RIMS2: variants seen among roughly 807,000 people sequenced by gnomAD.
RIMS2 encodes regulating synaptic membrane exocytosis 2, also known as regulating synaptic membrane exocytosis protein 2.
Under a neutral mutation model 174.4 loss-of-function variants are expected in RIMS2, and 59 were observed. The observed-to-expected ratio is 0.34, with a 90% CI of 0.27 to 0.42. The LOEUF (loss-of-function observed/expected upper bound fraction) is 0.42, where lower values mean the gene tolerates loss of function less well. RIMS2 is among the 10% of genes least tolerant of loss of function. The probability of loss-of-function intolerance (pLI) is 1.00; values close to 1 mark genes in which losing one functional copy is unlikely to be tolerated. For missense variants in RIMS2, 1,620 were observed against 1,666.3 expected, an observed-to-expected ratio of 0.97 and a Z score of 0.48; for synonymous variants, 606 against 572.5, an observed-to-expected ratio of 1.06 and a Z score of -0.84.
At chr8:104,167,458 TG>T (rs765137034) in intron 19 of RIMS2, among the ~76,000 whole-genome samples, 12 of 152,344 alleles carry the variant, frequency 7.9e-5, no homozygotes, top group Non-Finnish European at 1.5e-4. Flanking sequence ...ATATGTTTGC[TG>T]GCTATTTGTA....
At chr8:103,618,185 G>A (rs2095550453) in intron 1 of RIMS2, among the ~76,000 whole-genome samples, 1 of 152,076 alleles carries the variant, frequency 6.6e-6, no homozygotes, top group Non-Finnish European at 1.5e-5. Flanking sequence ...ATCTTTTGCA[G>A]GAGCATGGAT....
chr8:103,583,507 T>C (rs2093732448), intron 1 of RIMS2, among the ~76,000 whole-genome samples: 2 of 152,146 alleles, frequency 1.3e-5, no homozygotes, highest in African/African-American at 4.8e-5. Context: ...TTTAAAATAG[T>C]TGTGTTGAGG....
intron 1 of RIMS2, among the ~76,000 whole-genome samples, chr8:103,581,061 G>C (rs1312132597): frequency 6.6e-6 from 1 of 151,830 alleles, no homozygotes; most frequent in Non-Finnish European, 1.5e-5. Flanking sequence ...CTCGTGATCT[G>C]CCCGCCTCGG....
chr8:104,017,654 T>C (rs2095958340), intron 19 of RIMS2, among the ~76,000 whole-genome samples: 1 of 152,136 alleles, frequency 6.6e-6, no homozygotes, highest in South Asian at 2.1e-4. Flanking sequence ...TATCCACATA[T>C]TACAAATATT....
chr8:104,251,999 G>T (rs2099360597), downstream of RIMS2: 1 of 599,226 alleles, frequency 1.7e-6, no homozygotes, highest in Non-Finnish European at 3.0e-6. Context: ...CCTAAAGAAG[G>T]CCCTCAGGTG....
chr8:104,004,129 G>A (rs2095487223), intron 17 of RIMS2, among the ~76,000 whole-genome samples: 1 of 152,160 alleles, frequency 6.6e-6, no homozygotes, highest in Admixed American at 6.5e-5. Context: ...AGAAAGCTAA[G>A]AGGAAATATC....
intron 3 of RIMS2, among the ~76,000 whole-genome samples, chr8:103,811,028 A>G (rs1399772564): frequency 6.6e-6 from 1 of 152,170 alleles, no homozygotes; most frequent in East Asian, 1.9e-4. Context: ...AAGTTACTAG[A>G]TAGCAGAGGT....
intron 3 of RIMS2, among the ~76,000 whole-genome samples, chr8:103,822,652 C>CT (rs2098759357): frequency 6.6e-6 from 1 of 151,812 alleles, no homozygotes; most frequent in African/African-American, 2.4e-5. Flanking sequence ...GCAGGATTCT[C>CT]TGTTCTTTTA....
chr8:103,927,782 C>A (rs2079061318), intron 10 of RIMS2: 5 of 1,129,682 alleles, frequency 4.4e-6, no homozygotes, highest in African/African-American at 1.5e-5. Flanking sequence ...TCTTTTAGTT[C>A]CAGCGTGTTG....
At chr8:103,553,839 G>A (rs554006702) in intron 1 of RIMS2, among the ~76,000 whole-genome samples, 2 of 135,120 alleles carry the variant, frequency 1.5e-5, no homozygotes, top group South Asian at 2.4e-4. Context: ...GCATGGTACT[G>A]GTACAAAAAC....
chr8:103,920,720 T>C (rs1317988704), intron 9 of RIMS2: 1 of 456,824 alleles, frequency 2.2e-6, no homozygotes, highest in Admixed American at 2.4e-5. Flanking sequence ...CCTAGCGTGG[T>C]GGCTCACGCG....
chr8:103,587,458 A>AAGAAAGAAAGAG lies in RIMS2; in HGVS notation c.176+86407_176+86408insGAGAAAGAAAGA, dbSNP rs1304575298. 7.8e-5 allele frequency among the ~76,000 whole-genome samples: 9 copies of AAGAAAGAAAGAG among 116,058 alleles called. No individual in the cohort carries two copies. In the East Asian group the frequency reaches 1.8e-3, roughly 24 times the overall value. The allele number at this position is 116,058 out of a possible 152,430, so 76.1% of individuals were successfully genotyped here. ...AAAGAAAGAAAGAAAGAAAGAAAGA[A>AAGAAAGAAAGAG]AGAAAGAAAGAAACTATGCACCAAT... is the stretch of plus-strand genomic sequence containing the variant. On this transcript the variant is annotated intron_variant, in intron 1 of 23. Transcript: ENST00000504942.
chr8:104,218,909 A>G (rs1403781232), intron 19 of RIMS2, among the ~76,000 whole-genome samples: 3 of 152,182 alleles, frequency 2.0e-5, no homozygotes, highest in Admixed American at 2.0e-4. Flanking sequence ...CACAGGCGTA[A>G]CCATGTTCCT....
chr8:103,801,306 A>G (rs1043741052), intron 3 of RIMS2, among the ~76,000 whole-genome samples: 2 of 152,160 alleles, frequency 1.3e-5, no homozygotes, highest in African/African-American at 4.8e-5. Flanking sequence ...TTTAAAGACT[A>G]TGAATTCAGT....
rs191571107 is a variant in RIMS2, at chr8:104,205,895, A to T, written c.3335-39021A>T. On this transcript the variant is annotated intron_variant, in intron 19 of 23. Transcript: ENST00000504942. Reference sequence around the variant, plus strand: ...CTCAGCCTCCCAAGTAGCTGGGATTATAGGCATGCACCATCACGCCCGGCT... The same window carrying T: ...CTCAGCCTCCCAAGTAGCTGGGATTTTAGGCATGCACCATCACGCCCGGCT... Among the ~76,000 whole-genome samples the T allele has an allele frequency of 2.7e-3, 406 of 151,856 alleles. 1 individual carries two copies. Among genetic ancestry groups the T allele is most frequent in the Non-Finnish European group, 4.0e-3 (273 of 67,984 alleles).
At chr8:103,698,612 C>T (rs2097133700) in intron 2 of RIMS2, among the ~76,000 whole-genome samples, 1 of 151,896 alleles carries the variant, frequency 6.6e-6, no homozygotes, top group Admixed American at 6.6e-5. Context: ...GATGGATTAT[C>T]TCTTTTATAT....
At chr8:103,707,553 A>C (rs1320157441) in intron 2 of RIMS2, among the ~76,000 whole-genome samples, 8 of 152,170 alleles carry the variant, frequency 5.3e-5, no homozygotes, top group Non-Finnish European at 1.2e-4. Context: ...CTTGGGGAAG[A>C]TAAGGTTCCC....
chr8:104,211,023 G>C (rs79615898), intron 19 of RIMS2, among the ~76,000 whole-genome samples: 5,108 of 152,116 alleles, frequency 0.034, 191 homozygotes, highest in East Asian at 0.14. Context: ...TTCAGCTGAG[G>C]ACCTAGATTT....
At chr8:104,069,369 A>G (rs1176835371) in intron 19 of RIMS2, among the ~76,000 whole-genome samples, 1 of 152,038 alleles carries the variant, frequency 6.6e-6, no homozygotes, top group Non-Finnish European at 1.5e-5. Flanking sequence ...GAGGTTCAAA[A>G]GTCTTTTGGT....
Sources: allele counts gnomAD v4.1 joint callset (sites outside exome capture counted in the v4.1 genomes callset), GRCh38; gene constraint gnomAD v4.1.1; transcripts MANE v1.5; gene names NCBI Gene and HGNC (gene_info 2026-07-23, HGNC 2026-07-21).